Variants in GLIPR1L2 observed in about 807,000 individuals in gnomAD.
GLIPR1L2 encodes the protein GLIPR1-like protein 2.
GLIPR1L2 carries 21 observed loss-of-function variants against 28.4 expected under a neutral mutation model. The ratio of observed to expected loss-of-function variants is 0.74; its 90% CI spans 0.52 to 1.06. The LOEUF is 1.06. Ranked by LOEUF, GLIPR1L2 falls within the 50% of genes least tolerant of loss-of-function variation. GLIPR1L2 has a pLI of 0.00. For synonymous variants in GLIPR1L2, 145 were observed against 139.3 expected (o/e 1.04, Z -0.29); for missense variants, 476 against 416.9 (o/e 1.14, Z -1.23).
At chr12:75,403,057 T>A (rs559264645) in intron 1 of GLIPR1L2, 6 of 457,120 alleles carry the variant, frequency 1.3e-5, no homozygotes, top group African/African-American at 1.0e-4. Flanking sequence ...AGATTCATCA[T>A]TGGATTTCCA....
intron 3 of GLIPR1L2, among the ~76,000 whole-genome samples, chr12:75,419,466 A>G (rs768793882): frequency 1.3e-5 from 2 of 152,220 alleles, no homozygotes; most frequent in African/African-American, 4.8e-5. Context: ...AAGTTATTGG[A>G]TGAATTATCC....
intron 1 of GLIPR1L2, among the ~76,000 whole-genome samples, chr12:75,406,683 G>T (rs568120358): frequency 6.6e-6 from 1 of 151,220 alleles, no homozygotes; most frequent in East Asian, 2.0e-4. Context: ...AGTTGAGCCC[G>T]GGAGTTTGAG....
At chr12:75,424,925 A>T (rs934447839) in intron 4 of GLIPR1L2, among the ~76,000 whole-genome samples, 1 of 152,056 alleles carries the variant, frequency 6.6e-6, no homozygotes, top group African/African-American at 2.4e-5. Context: ...GAATGTAGTC[A>T]TCTACACAGA....
At chr12:75,416,190 G>C (rs551801076) in intron 3 of GLIPR1L2, among the ~76,000 whole-genome samples, 1 of 152,104 alleles carries the variant, frequency 6.6e-6, no homozygotes, top group Non-Finnish European at 1.5e-5. Flanking sequence ...CTAAAAAACT[G>C]GGTGGATGGT....
At chr12:75,393,214 GT>G (rs2045649662) in intron 1 of GLIPR1L2, among the ~76,000 whole-genome samples, 1 of 151,850 alleles carries the variant, frequency 6.6e-6, no homozygotes, top group South Asian at 2.1e-4. Flanking sequence ...AAAAATTGTT[GT>G]TTTTAAAAAA....
intron 1 of GLIPR1L2, among the ~76,000 whole-genome samples, chr12:75,398,283 C>T (rs2045702428): frequency 7.3e-6 from 1 of 137,912 alleles, no homozygotes; most frequent in Non-Finnish European, 1.5e-5. Flanking sequence ...GAGCTGAGAT[C>T]GCACCACTGT....
At chr12:75,424,408 G>A (rs537896030) in intron 4 of GLIPR1L2, among the ~76,000 whole-genome samples, 1 of 152,162 alleles carries the variant, frequency 6.6e-6, no homozygotes, top group African/African-American at 2.4e-5. Flanking sequence ...CTTTTCGATG[G>A]GGTTGTTTGT....
intron 3 of GLIPR1L2, among the ~76,000 whole-genome samples, chr12:75,417,769 A>G (rs2045937101): frequency 1.5e-5 from 2 of 132,186 alleles, no homozygotes; most frequent in African/African-American, 5.3e-5. Context: ...AATGTATCAG[A>G]AAAAAACTGA....
chr12:75,402,446 G>T (rs2045752285), intron 1 of GLIPR1L2, among the ~76,000 whole-genome samples: 1 of 151,982 alleles, frequency 6.6e-6, no homozygotes, highest in Non-Finnish European at 1.5e-5. Context: ...ACATAACAAG[G>T]AGAAAAAGGG....
intron 2 of GLIPR1L2, among the ~76,000 whole-genome samples, chr12:75,412,994 A>G (rs995113016): frequency 6.6e-6 from 1 of 151,868 alleles, no homozygotes; most frequent in Admixed American, 6.6e-5. Context: ...GCACATATAC[A>G]CCATGGAATA....
chr12:75,402,996 G>A, intron 1 of GLIPR1L2: 1 of 456,886 alleles, frequency 2.2e-6, no homozygotes, highest in Non-Finnish European at 4.4e-6. Flanking sequence ...CAAGTGTCAT[G>A]AACAATTTTT....
intron 1 of GLIPR1L2, among the ~76,000 whole-genome samples, chr12:75,408,291 T>A (rs980115727): frequency 5.9e-5 from 9 of 152,136 alleles, no homozygotes; most frequent in African/African-American, 2.2e-4. Flanking sequence ...TCATGAGAAG[T>A]AAAATGCTTA....
intron 3 of GLIPR1L2, among the ~76,000 whole-genome samples, chr12:75,419,093 T>G: frequency 6.6e-6 from 1 of 152,106 alleles, no homozygotes; most frequent in East Asian, 1.9e-4. Context: ...CAAACAACCA[T>G]GGCACATGTA....
Position 75,391,245 on chromosome 12 carries a change from A to G in GLIPR1L2, c.129A>G (p.Arg43=). ...LLLLGSSLNA[R]FLPDEEDVDF... is the part of the protein sequence containing the mutation. ...TACTGGGTTCTAGTTTGAACGCCAG[A>G]TTTTTGCCAGACGAGGAGGACGTAG... Residue 43 remains arginine, a synonymous_variant, in exon 1 of 6, where the codon AGA becomes AGG. Transcript: ENST00000550916. The G allele has an allele frequency of 6.2e-7, 1 of 1,614,178 alleles. No homozygotes were observed. The highest frequency in any genetic ancestry group is 8.5e-7 in the Non-Finnish European group (1 of 1,180,026).
At chr12:75,398,572 C>T (rs1204561859) in intron 1 of GLIPR1L2, among the ~76,000 whole-genome samples, 2 of 152,026 alleles carry the variant, frequency 1.3e-5, no homozygotes, top group Non-Finnish European at 1.5e-5. Context: ...TTTTTCTGAG[C>T]TGTTCTGGGG....
intron 1 of GLIPR1L2, among the ~76,000 whole-genome samples, chr12:75,408,129 TTCTC>T (rs1479324639): frequency 2.6e-5 from 4 of 152,170 alleles, no homozygotes; most frequent in African/African-American, 9.6e-5. Context: ...ATTTTTTGCC[TTCTC>T]AAAGCACATT....
intron 3 of GLIPR1L2, among the ~76,000 whole-genome samples, chr12:75,417,452 A>T (rs2045934427): frequency 6.6e-6 from 1 of 152,180 alleles, no homozygotes; most frequent in South Asian, 2.1e-4. Flanking sequence ...TGTTTTAGCC[A>T]CCGAATTTGT....
chr12:75,431,337 A>G lies in GLIPR1L2; in HGVS notation c.*176A>G. 2.1e-6 allele frequency: 1 copy of G among 478,774 alleles called. No individual in the cohort carries two copies. Among genetic ancestry groups the G allele is most frequent in the East Asian group, 3.1e-5 (1 of 32,052 alleles). 29.7% of individuals were successfully genotyped at this position (478,774 alleles called of 1,614,324 possible). On this transcript the variant is annotated 3_prime_UTR_variant, in exon 6 of 6. Transcript: ENST00000550916. The stretch of plus-strand genomic sequence containing the variant: ...TCCTATACTTATTCAATCAATTTAA[A>G]TTTGTAAAACAAAGAAACAAAAAAC...
intron 1 of GLIPR1L2, among the ~76,000 whole-genome samples, chr12:75,402,234 C>T (rs1003028319): frequency 6.6e-6 from 1 of 152,088 alleles, no homozygotes; most frequent in Admixed American, 6.6e-5. Flanking sequence ...ACCGTAACAG[C>T]AATGCTTTAG....
Sources: allele counts gnomAD v4.1 joint callset (sites outside exome capture counted in the v4.1 genomes callset), GRCh38; gene constraint gnomAD v4.1.1; transcripts MANE v1.5; gene names NCBI Gene and HGNC (gene_info 2026-07-23, HGNC 2026-07-21).